Variants in SIN3A observed in about 807,000 individuals in gnomAD.
SIN3A encodes the protein paired amphipathic helix protein Sin3a.
In SIN3A, 14 loss-of-function variants were observed where a neutral mutation model predicts 146.1. The observed-to-expected ratio is 0.10, with a 90% CI of 0.06 to 0.15. SIN3A has a LOEUF of 0.15. Ranked by LOEUF, SIN3A falls within the 10% of genes least tolerant of loss-of-function variation. The pLI is 1.00. For synonymous variants in SIN3A, 572 were observed against 572.0 expected (o/e 1.00, Z 0.00); for missense variants, 1,028 against 1,576.0 (o/e 0.65, Z 5.89).
chr15:75,384,097 G>A (rs999690271), intron 17 of SIN3A, 167 bp downstream of exon 17: 10 of 429,956 alleles, frequency 2.3e-5, no homozygotes, highest in African/African-American at 2.0e-4. Context: ...AAAGTAGATT[G>A]TCCAGGAAGA....
At chr15:75,444,403 T>C (rs1452439027) in intron 1 of SIN3A, among the ~76,000 whole-genome samples, 1 of 152,144 alleles carries the variant, frequency 6.6e-6, no homozygotes, top group Non-Finnish European at 1.5e-5. Context: ...ATCGCGCTAC[T>C]GCACTCCAGC....
intron 3 of SIN3A, chr15:75,420,729 A>C (rs1308994954): frequency 6.6e-6 from 1 of 152,242 alleles, no homozygotes; most frequent in Non-Finnish European, 1.5e-5. Flanking sequence ...AGTTGATTCA[A>C]ATGCTTGTAA....
At chr15:75,377,738 C>T (rs9972533) in intron 19 of SIN3A, among the ~76,000 whole-genome samples, 29,727 of 152,026 alleles carry the variant, frequency 0.2, 3,671 homozygotes, top group African/African-American at 0.34. Flanking sequence ...GGGAACTACA[C>T]ATAAAGCACC....
intron 1 of SIN3A, among the ~76,000 whole-genome samples, chr15:75,437,562 T>A (rs555201728): frequency 6.6e-6 from 1 of 152,234 alleles, no homozygotes; most frequent in Non-Finnish European, 1.5e-5. Flanking sequence ...AAATTCTTCC[T>A]CCTTGGAATA....
At chr15:75,445,137 T>C (rs1195546306) in intron 1 of SIN3A, among the ~76,000 whole-genome samples, 2 of 151,998 alleles carry the variant, frequency 1.3e-5, no homozygotes, top group African/African-American at 4.8e-5. Context: ...TCCCAGCACT[T>C]CGGGAGGCCA....
At chr15:75,392,918 A>G (rs918121481) in intron 14 of SIN3A, 103 bp from the exon 15 acceptor site, 23 of 891,356 alleles carry the variant, frequency 2.6e-5, no homozygotes, top group Non-Finnish European at 3.6e-5. Flanking sequence ...CACAGTGTCT[A>G]TATTTTTCTA....
chr15:75,414,323 A>G lies in SIN3A; in HGVS notation c.367-12T>C, dbSNP rs750602729. 9 of 1,409,178 alleles carry G rather than the reference A, an allele frequency of 6.4e-6. No homozygotes were observed. The highest frequency in any genetic ancestry group is 8.6e-6 in the Non-Finnish European group (9 of 1,044,808). 87.3% of individuals were successfully genotyped at this position (1,409,178 alleles called of 1,614,324 possible). On this transcript the variant is annotated splice_polypyrimidine_tract_variant and intron_variant, in intron 3 of 20. Coordinates refer to ENST00000394947, the MANE Select transcript of SIN3A (RefSeq NM_001145358.2). ...AGCGCATCCTCCACCTGAGGCAGGGATAAATATCAAGGTTATAAAAAGAAA... is the reference window on the plus strand; with the variant it reads ...AGCGCATCCTCCACCTGAGGCAGGGGTAAATATCAAGGTTATAAAAAGAAA...
chr15:75,390,120 G>A (rs1163208285), intron 15 of SIN3A, among the ~76,000 whole-genome samples: 1 of 152,120 alleles, frequency 6.6e-6, no homozygotes, highest in Non-Finnish European at 1.5e-5. Flanking sequence ...AAATATCCTA[G>A]GGAAGCCAGT....
At chr15:75,455,151 C>T (rs1319651996), upstream of SIN3A, 2 of 152,192 alleles carry the variant, frequency 1.3e-5, no homozygotes, top group African/African-American at 4.8e-5. Flanking sequence ...ACCGCCCCCT[C>T]CAAGTTTGCG....
intron 16 of SIN3A, among the ~76,000 whole-genome samples, chr15:75,387,248 G>A (rs1021595856): frequency 6.6e-6 from 1 of 152,170 alleles, no homozygotes; most frequent in African/African-American, 2.4e-5. Context: ...CTGTAGGCTG[G>A]GCACAGTGGC....
chr15:75,409,303 A>G (rs2073581414), intron 8 of SIN3A, among the ~76,000 whole-genome samples: 1 of 152,214 alleles, frequency 6.6e-6, no homozygotes, highest in Admixed American at 6.5e-5. Flanking sequence ...GAGATAATAA[A>G]GAACTCAGAA....
At chr15:75,395,801 A>T (rs180722068) in intron 13 of SIN3A, among the ~76,000 whole-genome samples, 1 of 152,242 alleles carries the variant, frequency 6.6e-6, no homozygotes, top group East Asian at 1.9e-4. Context: ...GCTATTCGGG[A>T]GGCTGAGGTG....
chr15:75,393,389 T>C (rs2073245370), intron 14 of SIN3A, among the ~76,000 whole-genome samples: 1 of 152,004 alleles, frequency 6.6e-6, no homozygotes, highest in Non-Finnish European at 1.5e-5. Context: ...TCTTTCTTTC[T>C]TTTTTTTGGC....
At chr15:75,383,452 CT>C (rs2073014621) in intron 17 of SIN3A, among the ~76,000 whole-genome samples, 1 of 151,384 alleles carries the variant, frequency 6.6e-6, no homozygotes, top group Non-Finnish European at 1.5e-5. Context: ...GGGACAGAGT[CT>C]TGCTCTGTCA....
At chr15:75,454,250 G>A (rs868850082), upstream of SIN3A, among the ~76,000 whole-genome samples, 9 of 151,990 alleles carry the variant, frequency 5.9e-5, no homozygotes, top group Non-Finnish European at 1.2e-4. Flanking sequence ...ATCCAAGAAG[G>A]AGAAAAAAAG....
chr15:75,404,674 T>C (rs190144858), intron 9 of SIN3A, among the ~76,000 whole-genome samples: 110 of 151,446 alleles, frequency 7.3e-4, no homozygotes, highest in South Asian at 1.0e-3. Context: ...GCAGGAGGAT[T>C]GCGTGAACCC....
chr15:75,449,135 T>C (rs1369622404), intron 1 of SIN3A, among the ~76,000 whole-genome samples: 4 of 152,318 alleles, frequency 2.6e-5, no homozygotes, highest in African/African-American at 2.4e-5. Context: ...TTTTCCTCAA[T>C]GGTCAATCGT....
chr15:75,434,357 C>T lies in SIN3A; in HGVS notation c.-33-3949G>A, dbSNP rs1008487985. On this transcript the variant is annotated intron_variant, in intron 1 of 20. Transcript: ENST00000394947. The stretch of plus-strand genomic sequence containing the variant: ...ATATAGCCTCACTAGTAATAAAAAA[C>T]GTGTAAAGTAGGCCGGGCGCGGTGG... Among the ~76,000 whole-genome samples the T allele has an allele frequency of 2.6e-5, 4 of 152,090 alleles. No individual in the cohort carries two copies. The South Asian group carries it at 6.2e-4, about 24-fold the overall frequency.
chr15:75,377,472 A>C (rs561178326), intron 19 of SIN3A, among the ~76,000 whole-genome samples: 65 of 152,034 alleles, frequency 4.3e-4, no homozygotes, highest in African/African-American at 1.4e-3. Context: ...TAAAAGTACA[A>C]AAATTAGCCG....
Sources: allele counts gnomAD v4.1 joint callset (sites outside exome capture counted in the v4.1 genomes callset), GRCh38; gene constraint gnomAD v4.1.1; transcripts MANE v1.5; gene names NCBI Gene and HGNC (gene_info 2026-07-23, HGNC 2026-07-21).